ATF1: variants seen among roughly 807,000 people sequenced by gnomAD.
The protein encoded by ATF1 is cyclic AMP-dependent transcription factor ATF-1.
Under a neutral mutation model 34.7 loss-of-function variants are expected in ATF1, and 16 were observed. The ratio of observed to expected loss-of-function variants is 0.46; its 90% confidence interval spans 0.31 to 0.70. The LOEUF is 0.70. ATF1 is among the 30% of genes least tolerant of loss of function. The probability of loss-of-function intolerance (pLI) is 0.05; values close to 1 mark genes in which losing one functional copy is unlikely to be tolerated. For missense variants in ATF1, 255 were observed against 321.6 expected (o/e 0.79, Z 1.58); for synonymous variants, 105 against 113.1 (o/e 0.93, Z 0.46).
At chr12:50,767,870 ACTTT>A (rs1801130671) in intron 1 of ATF1, among the ~76,000 whole-genome samples, 2 of 150,106 alleles carry the variant, frequency 1.3e-5, no homozygotes, top group South Asian at 4.2e-4. Flanking sequence ...AAGCTTTTGC[ACTTT>A]CTTTTTTTTT....
At chr12:50,811,865 T>TAGTG (rs2139692659) in intron 4 of ATF1, among the ~76,000 whole-genome samples, 1 of 152,056 alleles carries the variant, frequency 6.6e-6, no homozygotes, top group South Asian at 2.1e-4. Flanking sequence ...AGATCAGAGG[T>TAGTG]AGTGGGGAGG....
At chr12:50,812,951 CACATAT>C (rs538283731) in intron 4 of ATF1, among the ~76,000 whole-genome samples, 6 of 152,012 alleles carry the variant, frequency 3.9e-5, no homozygotes, top group Non-Finnish European at 5.9e-5. Flanking sequence ...TTCCATCACA[CACATAT>C]ACATATACAT....
chr12:50,768,577 C>T (rs1471785743), intron 1 of ATF1, among the ~76,000 whole-genome samples: 2 of 152,164 alleles, frequency 1.3e-5, no homozygotes, highest in Non-Finnish European at 2.9e-5. Context: ...AATCTTACAA[C>T]CACTGTTATC....
intron 2 of ATF1, among the ~76,000 whole-genome samples, chr12:50,791,525 A>C (rs951275182): frequency 9.9e-5 from 15 of 152,052 alleles, no homozygotes; most frequent in African/African-American, 3.4e-4. Flanking sequence ...ACTTCACTTC[A>C]GCCTGGGAAG....
chr12:50,808,036 C>T (rs535194818), intron 3 of ATF1, among the ~76,000 whole-genome samples: 2 of 152,202 alleles, frequency 1.3e-5, no homozygotes, highest in Admixed American at 1.3e-4. Context: ...TCTTGAACTC[C>T]GGACCTCAGG....
intron 2 of ATF1, among the ~76,000 whole-genome samples, chr12:50,781,467 T>C (rs1941059106): frequency 6.6e-6 from 1 of 152,136 alleles, no homozygotes; most frequent in South Asian, 2.1e-4. Context: ...TTTTTGTTTT[T>C]CAAGGCAGGG....
chr12:50,776,119 T>C (rs987188366), intron 1 of ATF1, among the ~76,000 whole-genome samples: 116 of 152,116 alleles, frequency 7.6e-4, no homozygotes, highest in Non-Finnish European at 9.6e-4. Flanking sequence ...AAGACCATCC[T>C]GGCTAACACA....
rs112814512 is a variant in ATF1, at chr12:50,806,152, GAAAAAAAAAA to G, written c.195-3299_195-3290del. Among the ~76,000 whole-genome samples the G allele has an allele frequency of 4.7e-5, 5 of 106,868 alleles. No homozygotes were observed. In the East Asian group the frequency reaches 1.1e-3, roughly 23 times the overall value. The allele number at this position is 106,868 out of a possible 152,430, so 70.1% of individuals were successfully genotyped here. A position where few individuals can be genotyped will look rare whatever the true frequency, so the allele number is the denominator to read the frequency against. ...GCAACAAAAGCGAAACTGTCTCAAA[GAAAAAAAAAA>G]AAAAGAAAAAAATAATTGCTAGTAG... is the stretch of plus-strand genomic sequence containing the variant. On this transcript the variant is annotated intron_variant, in intron 3 of 6. Transcript: ENST00000262053.
intron 6 of ATF1, 143 bp from the exon 7 acceptor site, chr12:50,819,492 A>G (rs1010400566): frequency 2.1e-6 from 2 of 946,200 alleles, no homozygotes; most frequent in Admixed American, 2.9e-5. Context: ...ACTGAATTCT[A>G]CACTTAAGAT....
At chr12:50,764,903 G>A (rs1338647614) in intron 1 of ATF1, among the ~76,000 whole-genome samples, 4 of 152,244 alleles carry the variant, frequency 2.6e-5, no homozygotes, top group Non-Finnish European at 4.4e-5. Context: ...GGGACAGTAG[G>A]CGGCTTTACC....
At chr12:50,783,624 C>T (rs528433913) in intron 2 of ATF1, among the ~76,000 whole-genome samples, 1 of 152,238 alleles carries the variant, frequency 6.6e-6, no homozygotes, top group African/African-American at 2.4e-5. Flanking sequence ...AATCCCAGCA[C>T]TTTGGGAGGC....
At chr12:50,780,451 TCTC>T (rs1941032485) in intron 2 of ATF1, among the ~76,000 whole-genome samples, 1 of 151,630 alleles carries the variant, frequency 6.6e-6, no homozygotes, top group Admixed American at 6.6e-5. Flanking sequence ...TTCAAACAAT[TCTC>T]CTACCGCAGC....
At chr12:50,791,471 G>A (rs559144336) in intron 2 of ATF1, among the ~76,000 whole-genome samples, 62 of 151,940 alleles carry the variant, frequency 4.1e-4, no homozygotes, top group Non-Finnish European at 7.9e-4. Context: ...TAGGAGAATC[G>A]TTTGAACCCA....
At chr12:50,798,453 C>T (rs184418674) in intron 3 of ATF1, among the ~76,000 whole-genome samples, 69 of 151,814 alleles carry the variant, frequency 4.5e-4, no homozygotes, top group African/African-American at 1.2e-3. Flanking sequence ...GGACTACAGG[C>T]GCCCGCCACC....
chr12:50,783,866 G>GAAA (rs34062008), intron 2 of ATF1, among the ~76,000 whole-genome samples: 5 of 129,750 alleles, frequency 3.9e-5, no homozygotes, highest in African/African-American at 1.5e-4. Context: ...AACTCCGTCT[G>GAAA]AAAAAAAAAA....
intron 3 of ATF1, among the ~76,000 whole-genome samples, chr12:50,800,451 A>G (rs756174272): frequency 1.1e-4 from 16 of 152,178 alleles, no homozygotes; most frequent in Non-Finnish European, 1.6e-4. Flanking sequence ...TTCCTCTCCT[A>G]TTGAATTCTT....
intron 1 of ATF1, among the ~76,000 whole-genome samples, chr12:50,774,011 C>G (rs1940848636): frequency 6.6e-6 from 1 of 152,078 alleles, no homozygotes; most frequent in Admixed American, 6.6e-5. Flanking sequence ...TATAATGTTT[C>G]TTTCTTTGCA....
intron 1 of ATF1, among the ~76,000 whole-genome samples, chr12:50,765,161 C>G (rs1338057880): frequency 6.6e-6 from 1 of 152,180 alleles, no homozygotes; most frequent in Non-Finnish European, 1.5e-5. Flanking sequence ...GGTTCAGAAG[C>G]TCGGCGTGGA....
At chr12:50,782,921 G>C (rs10876091) in intron 2 of ATF1, among the ~76,000 whole-genome samples, 130,289 of 151,682 alleles carry the variant, frequency 0.86, 57,126 homozygotes, top group Non-Finnish European at 0.97. Context: ...AACTCCTGAC[G>C]TCAAGTGATC....
Sources: gnomAD v4.1 joint callset for allele counts (sites outside exome capture counted in the v4.1 genomes callset) on GRCh38, gnomAD v4.1.1 for gene constraint, MANE v1.5 for transcripts, NCBI Gene and HGNC (gene_info 2026-07-23, HGNC 2026-07-21) for gene names.